The following APLP2 variants were observed in gnomAD, a reference collection of about 807,000 sequenced individuals.
APLP2 encodes the protein CDEI box-binding protein.
In APLP2, 53 loss-of-function variants were observed where a neutral mutation model predicts 89.9. That is an observed-to-expected ratio of 0.59 (90% CI 0.47 to 0.74). APLP2 has a LOEUF of 0.74. Ranked by LOEUF, APLP2 falls within the 30% of genes least tolerant of loss-of-function variation. The probability of loss-of-function intolerance (pLI) is 0.00; values close to 1 mark genes in which losing one functional copy is unlikely to be tolerated. For synonymous variants in APLP2, 372 were observed against 348.6 expected, an observed-to-expected ratio of 1.07 and a Z score of -0.75; for missense variants, 973 against 975.9, an observed-to-expected ratio of 1.00 and a Z score of 0.04.
chr11:130,125,475 A>T (rs1225086171), intron 7 of APLP2, among the ~76,000 whole-genome samples: 1 of 152,166 alleles, frequency 6.6e-6, no homozygotes, highest in Non-Finnish European at 1.5e-5. Flanking sequence ...TAATTTAGTT[A>T]ATCTGAAAGT....
At chr11:130,087,213 C>A (rs143169267) in intron 1 of APLP2, among the ~76,000 whole-genome samples, 1 of 152,182 alleles carries the variant, frequency 6.6e-6, no homozygotes, top group South Asian at 2.1e-4. Flanking sequence ...CTGTCATCAG[C>A]GTCCTCACTG....
chr11:130,112,782 A>T (rs146540370), intron 3 of APLP2, among the ~76,000 whole-genome samples: 277 of 152,242 alleles, frequency 1.8e-3, no homozygotes, highest in African/African-American at 6.4e-3. Context: ...CTTAAAAAAG[A>T]ATGTTGAAAC....
intron 1 of APLP2, among the ~76,000 whole-genome samples, chr11:130,074,522 G>A (rs1005832516): frequency 6.6e-6 from 1 of 152,166 alleles, no homozygotes; most frequent in Admixed American, 6.5e-5. Flanking sequence ...CCCCTTTCAA[G>A]ATTGTTTAAT....
At chr11:130,124,841 A>C (rs1166721524) in intron 7 of APLP2, among the ~76,000 whole-genome samples, 2 of 152,358 alleles carry the variant, frequency 1.3e-5, no homozygotes, top group East Asian at 3.9e-4. Flanking sequence ...TTGGTGAATA[A>C]ACTTTGCGTT....
chr11:130,101,898 A>C (rs1946982504), intron 1 of APLP2: 1 of 453,584 alleles, frequency 2.2e-6, no homozygotes, highest in Non-Finnish European at 4.4e-6. Flanking sequence ...AGGCGCCTGC[A>C]TTGCATTTAC....
At chr11:130,108,979 C>T (rs1015830966) in intron 1 of APLP2, 2 of 152,216 alleles carry the variant, frequency 1.3e-5, no homozygotes, top group African/African-American at 4.8e-5. Context: ...TGTTCTCACT[C>T]ATAGGTGGGA....
chr11:130,104,512 C>T (rs551142030), intron 1 of APLP2, among the ~76,000 whole-genome samples: 3 of 152,182 alleles, frequency 2.0e-5, no homozygotes, highest in East Asian at 1.9e-4. Flanking sequence ...GCCACCGTGC[C>T]GGGCTTGGTA....
Position 130,123,568 on chromosome 11 carries a change from G to T in APLP2, c.923-44G>T, listed in dbSNP as rs374272849. On this transcript the variant is annotated intron_variant, in intron 6 of 16. Transcript: ENST00000338167. This position sits in a 1 kb window ranked among gnomAD's most constrained non-coding sequence, Gnocchi z 4.0. ...CCTGTAGCATTTTGAAGCATTTGAC[G>T]TCACTGCCTCTGTCCTGCTGACACT... 1 of 1,578,156 alleles carries T rather than the reference G, an allele frequency of 6.3e-7. No individual in the cohort carries two copies. The highest frequency in any genetic ancestry group is 2.0e-4 in the Middle Eastern group (1 of 5,002).
chr11:130,139,174 A>T (rs950011455), intron 13 of APLP2: 1 of 152,214 alleles, frequency 6.6e-6, no homozygotes, highest in Non-Finnish European at 1.5e-5. Flanking sequence ...TTTAAAGTTG[A>T]AGCTTTAGAA....
At chr11:130,126,081 G>A (rs1950337876) in intron 7 of APLP2, among the ~76,000 whole-genome samples, 1 of 152,160 alleles carries the variant, frequency 6.6e-6, no homozygotes, top group Admixed American at 6.5e-5. Context: ...TTTTATCCTT[G>A]TTGGTTCTGT....
chr11:130,116,176 A>G (rs1194222945), intron 3 of APLP2, among the ~76,000 whole-genome samples: 1 of 152,170 alleles, frequency 6.6e-6, no homozygotes, highest in African/African-American at 2.4e-5. Context: ...GTTGGGAGAA[A>G]AAAAAAAGAT....
intron 1 of APLP2, among the ~76,000 whole-genome samples, chr11:130,075,489 T>C (rs1941965739): frequency 6.6e-6 from 1 of 152,214 alleles, no homozygotes; most frequent in Admixed American, 6.5e-5. Context: ...CAAATGTGGA[T>C]AGTGCTTTTT....
chr11:130,132,982 T>A (rs1027259467), intron 11 of APLP2, among the ~76,000 whole-genome samples: 3 of 150,648 alleles, frequency 2.0e-5, no homozygotes, highest in Non-Finnish European at 4.4e-5. Context: ...TAGAGTTCTT[T>A]TTTTTTTTTT....
At chr11:130,095,931 A>C (rs1946137832) in intron 1 of APLP2, among the ~76,000 whole-genome samples, 1 of 151,100 alleles carries the variant, frequency 6.6e-6, no homozygotes, top group South Asian at 2.1e-4. Flanking sequence ...GGTTAGGAAA[A>C]TACATGAGGC....
At chr11:130,075,723 G>A (rs1181500553) in intron 1 of APLP2, among the ~76,000 whole-genome samples, 1 of 152,216 alleles carries the variant, frequency 6.6e-6, no homozygotes, top group Non-Finnish European at 1.5e-5. Flanking sequence ...TAGAGGCCGA[G>A]GGTTGAACAT....
At chr11:130,140,538 C>T (rs1337200538) in intron 14 of APLP2, 55 bp downstream of exon 14, 21 of 1,434,874 alleles carry the variant, frequency 1.5e-5, no homozygotes, top group East Asian at 4.8e-5. Flanking sequence ...CTCATTAGAG[C>T]GAGTGACCTG....
chr11:130,137,340 C>T lies in APLP2; in HGVS notation c.1837+1625C>T, dbSNP rs557446253. On this transcript the variant is annotated intron_variant, in intron 13 of 16. Transcript: ENST00000338167. ...TTTAAGACCTTCATTCCTCTCCACT[C>T]CCTAGTGTGTCCGAAGCTTCATGTT... The T allele has an allele frequency of 7.3e-6, 11 of 1,506,476 alleles. No individual in the cohort carries two copies. The South Asian group carries it at 1.0e-4, about 14-fold the overall frequency. 93.3% of individuals were successfully genotyped at this position (1,506,476 alleles called of 1,614,324 possible).
intron 3 of APLP2, among the ~76,000 whole-genome samples, chr11:130,117,710 C>G (rs761615406): frequency 2.6e-5 from 4 of 152,128 alleles, no homozygotes; most frequent in Non-Finnish European, 5.9e-5. Flanking sequence ...TGTACCTGAC[C>G]TTTTACAGCT....
At position 130,109,407 on chromosome 11, in the gene APLP2, G is replaced by T; in HGVS notation, c.106-22G>T. On this transcript the variant is annotated intron_variant, in intron 1 of 16. Transcript: ENST00000338167. ...GTGCTAGCCTTCTTGGAGTAAACCT[G>T]CAATTTTTTTCCCTTTGGTAGGCTC... is the stretch of plus-strand genomic sequence containing the variant. 3 of 1,601,672 alleles carry T rather than the reference G, an allele frequency of 1.9e-6. No homozygotes were observed. In the South Asian group the frequency reaches 3.4e-5, roughly 18 times the overall value.
Sources: allele counts gnomAD v4.1 joint callset (sites outside exome capture counted in the v4.1 genomes callset), GRCh38; gene constraint gnomAD v4.1.1; non-coding constraint Gnocchi (gnomAD v3.1); transcripts MANE v1.5; gene names NCBI Gene and HGNC (gene_info 2026-07-23, HGNC 2026-07-21).